MYBPC3: variants seen among roughly 807,000 people sequenced by gnomAD.
MYBPC3 encodes the protein myosin-binding protein C, cardiac-type.
Under a neutral mutation model 159.3 loss-of-function variants are expected in MYBPC3, and 108 were observed. That is an observed-to-expected ratio of 0.68 (90% CI 0.58 to 0.80). MYBPC3 has a LOEUF of 0.80. Among genes scored for constraint, MYBPC3 ranks in the 30% least tolerant of loss-of-function variants. The pLI is 0.00. For synonymous variants in MYBPC3, 730 were observed against 702.0 expected, an observed-to-expected ratio of 1.04 and a Z score of -0.63; for missense variants, 1,631 against 1,762.1, an observed-to-expected ratio of 0.93 and a Z score of 1.33.
At chr11:47,334,539 C>T (rs1198877192) in intron 27 of MYBPC3, among the ~76,000 whole-genome samples, 1 of 152,002 alleles carries the variant, frequency 6.6e-6, no homozygotes. Context: ...AAGGGACTGA[C>T]ATACACCAAG....
chr11:47,351,556 C>T lies in MYBPC3; in HGVS notation c.26-51G>A, dbSNP rs1006769965. On this transcript the variant is annotated intron_variant, in intron 1 of 34. Transcript: ENST00000545968. The surrounding 1 kb of genome is among the most constrained non-coding windows in gnomAD (Gnocchi z 4.2). ...CGGCCCCTGGTTGGAGCGTGCACCCCGCCCCTGCAGCCCCTCTCAGTAAAT... is the reference window on the plus strand; with the variant it reads ...CGGCCCCTGGTTGGAGCGTGCACCCTGCCCCTGCAGCCCCTCTCAGTAAAT... 26 of 1,511,830 alleles carry T rather than the reference C, an allele frequency of 1.7e-5. 1 individual carries two copies. The highest frequency in any genetic ancestry group is 6.5e-5 in the South Asian group (5 of 76,934). 93.7% of individuals were successfully genotyped at this position (1,511,830 alleles called of 1,614,324 possible).
In MYBPC3 at chr11:47,337,372, C is replaced by A. The variant is rs1034751734; in HGVS notation, c.2602+19G>T. 4 of 1,559,284 alleles carry A rather than the reference C, an allele frequency of 2.6e-6. No individual in the cohort carries two copies. Among genetic ancestry groups the A allele is most frequent in the Non-Finnish European group, 3.5e-6 (4 of 1,152,332 alleles). On this transcript the variant is annotated intron_variant, in intron 25 of 34. Transcript: ENST00000545968. Reference sequence around the variant, plus strand: ...ACTGGGGAGGGGGCGGGGGGCAGGACCAGGCCAGGCAGGCTCACCGATAGG... The same window carrying A: ...ACTGGGGAGGGGGCGGGGGGCAGGAACAGGCCAGGCAGGCTCACCGATAGG...
intron 33 of MYBPC3, 79 bp downstream of exon 33, chr11:47,331,993 G>C: frequency 6.3e-7 from 1 of 1,594,446 alleles, no homozygotes; most frequent in Non-Finnish European, 8.5e-7. Flanking sequence ...CTTGGCCGAG[G>C]ACAACGGAGC....
rs752327972 is a variant in MYBPC3, at chr11:47,331,708, C to G, written c.*35G>C. The G allele has an allele frequency of 2.2e-6, 2 of 928,206 alleles. No individual in the cohort carries two copies. Among genetic ancestry groups the G allele is most frequent in the Non-Finnish European group, 3.1e-6 (2 of 636,112 alleles). 57.5% of individuals were successfully genotyped at this position (928,206 alleles called of 1,614,324 possible). ...AGGCTCCTGGCACGGGGCTGGCATC[C>G]GGTTGTACCTGCAACACAGGTTATC... On this transcript the variant is annotated 3_prime_UTR_variant, in exon 35 of 35. Coordinates refer to ENST00000545968, the MANE Select transcript of MYBPC3 (RefSeq NM_000256.3).
At chr11:47,347,737 G>A in intron 7 of MYBPC3, 57 bp from the exon 8 acceptor site, 1 of 1,551,190 alleles carries the variant, frequency 6.4e-7, no homozygotes, top group South Asian at 1.2e-5. Flanking sequence ...CTCCCCTGCA[G>A]CCCCCACTGA....
chr11:47,348,853 C>T (rs1156292388), intron 5 of MYBPC3, among the ~76,000 whole-genome samples: 15 of 134,394 alleles, frequency 1.1e-4, no homozygotes, highest in Admixed American at 7.3e-4. Flanking sequence ...TGCAGTGAGC[C>T]GAGATTGAGC....
chr11:47,337,469 ACAC>A lies in MYBPC3; in HGVS notation c.2521_2523del (p.Val841del). On this transcript the variant is annotated inframe_deletion, in exon 25 of 35. Transcript: ENST00000545968. ...TTGACCGCGTAGACGCGCATCTCGTACACCACGCCCTCGATCATGCGCCGCGCT... is the reference window on the plus strand; with the variant it reads ...TTGACCGCGTAGACGCGCATCTCGTACACGCCCTCGATCATGCGCCGCGCT... 6.2e-7 allele frequency: 1 copy of A among 1,613,870 alleles called. No homozygotes were observed. The highest frequency in any genetic ancestry group is 1.1e-5 in the South Asian group (1 of 91,088).
Position 47,342,948 on chromosome 11 carries a change from G to T in MYBPC3, c.1352-13C>A. 1 of 1,611,276 alleles carries T rather than the reference G, an allele frequency of 6.2e-7. No homozygotes were observed. The highest frequency in any genetic ancestry group is 8.5e-7 in the Non-Finnish European group (1 of 1,178,772). ...AGCACAGGGGGCTCTGTCCAGGCAG[G>T]GTGAGCATGAGGGTTGGCTCCCCTG... On this transcript the variant is annotated splice_polypyrimidine_tract_variant and intron_variant, in intron 15 of 34. Coordinates refer to ENST00000545968, the MANE Select transcript of MYBPC3 (RefSeq NM_000256.3).
chr11:47,348,572 G>T, intron 5 of MYBPC3, 31 bp from the exon 6 acceptor site: 2 of 1,553,594 alleles, frequency 1.3e-6, no homozygotes, highest in Non-Finnish European at 1.8e-6. Flanking sequence ...GGCGTCAGGG[G>T]ACACCAGGGG....
chr11:47,350,649 C>G, intron 2 of MYBPC3, 34 bp from the exon 3 acceptor site: 1 of 1,441,962 alleles, frequency 6.9e-7, no homozygotes, highest in Non-Finnish European at 9.1e-7. Context: ...GTGGTGCAGC[C>G]ACTAACCAGA....
rs781360798 is a variant in MYBPC3 at position 47,349,932 on chromosome 11, C to A, written c.506-10G>T. 9.1e-6 allele frequency: 14 copies of A among 1,531,086 alleles called. No individual in the cohort carries two copies. In the Admixed American group the frequency reaches 1.4e-4, roughly 15 times the overall value. The allele number at this position is 1,531,086 out of a possible 1,614,324, so 94.8% of individuals were successfully genotyped here. On this transcript the variant is annotated splice_polypyrimidine_tract_variant and intron_variant, in intron 4 of 34. Transcript: ENST00000545968. Reference sequence around the variant, plus strand: ...AAGGTGATGCTGCCACCTGCAAAGGCAGGGGCGACAGGCCCGGCTTGGGGA... The same window carrying A: ...AAGGTGATGCTGCCACCTGCAAAGGAAGGGGCGACAGGCCCGGCTTGGGGA...
At chr11:47,336,750 G>A (rs1435679777) in intron 25 of MYBPC3, among the ~76,000 whole-genome samples, 1 of 152,136 alleles carries the variant, frequency 6.6e-6, no homozygotes, top group Non-Finnish European at 1.5e-5. Context: ...AGTGGGAACA[G>A]GTGTCCTCCT....
intron 27 of MYBPC3, among the ~76,000 whole-genome samples, chr11:47,334,328 C>T (rs908064767): frequency 5.3e-5 from 8 of 152,226 alleles, no homozygotes; most frequent in African/African-American, 1.9e-4. Context: ...TTGTTACCAC[C>T]TGAGTTTGCT....
rs2095874956 is a variant in MYBPC3, at chr11:47,331,629, A to G, written c.*114T>C. 7.1e-6 allele frequency: 4 copies of G among 563,046 alleles called. No homozygotes were observed. Among genetic ancestry groups the G allele is most frequent in the Non-Finnish European group, 1.3e-5 (4 of 316,684 alleles). The allele number at this position is 563,046 out of a possible 1,614,324, so 34.9% of individuals were successfully genotyped here. On this transcript the variant is annotated 3_prime_UTR_variant, in exon 35 of 35. Transcript: ENST00000545968. ...GATCCCCCATCGCAGCACAGGAGAC[A>G]CACTTGTCACACATACATCCAACAG... is the stretch of plus-strand genomic sequence containing the variant.
rs397514752 is a variant in MYBPC3, at chr11:47,342,733, C to T, written c.1469G>A (p.Gly490Glu). 2.5e-6 allele frequency: 4 copies of T among 1,613,858 alleles called. No individual in the cohort carries two copies. In the Admixed American group the frequency reaches 5.0e-5, roughly 20 times the overall value. Residue 490 changes from glycine to glutamate, a missense_variant, in exon 17 of 35, where the codon GGG (glycine) becomes GAG (glutamate). Transcript: ENST00000545968. ...GGTCTCCTCCCGGGTCAGCTCCACC[C>T]CGTCCTTCAGCCTAGCCGGGTGGGT... ...EGAQVKWLKD[G>E]VELTREETFK...
chr11:47,346,427 G>A lies in MYBPC3; in HGVS notation c.927-57C>T, dbSNP rs1043159755. On this transcript the variant is annotated intron_variant, in intron 11 of 34. Coordinates refer to ENST00000545968, the MANE Select transcript of MYBPC3 (RefSeq NM_000256.3). The surrounding 1 kb of genome is among the most constrained non-coding windows in gnomAD (Gnocchi z 5.3). ...GCAAGACTGCAGCCCCCTGGGCGGG[G>A]CTTCCTGGGCCCAGGACCAAGGAGC... The A allele has an allele frequency of 4.0e-6, 6 of 1,491,852 alleles. No homozygotes were observed. The African/African-American group carries it at 8.4e-5, about 21-fold the overall frequency. The allele number at this position is 1,491,852 out of a possible 1,614,324, so 92.4% of individuals were successfully genotyped here. A position where few individuals can be genotyped will look rare whatever the true frequency, so the allele number is the denominator to read the frequency against.
Position 47,336,030 on chromosome 11 carries a change from A to G in MYBPC3, c.2603-19T>C. On this transcript the variant is annotated intron_variant, in intron 25 of 34. Transcript: ENST00000545968. Reference sequence around the variant, plus strand: ...GGGGGACCTGGGCAGAGGAGAGGTCAGAGAGGGGTCTGAGCAAGCCTGGGG... The same window carrying G: ...GGGGGACCTGGGCAGAGGAGAGGTCGGAGAGGGGTCTGAGCAAGCCTGGGG... 6.8e-7 allele frequency: 1 copy of G among 1,472,842 alleles called. No homozygotes were observed. The highest frequency in any genetic ancestry group is 2.5e-5 in the East Asian group (1 of 39,828). 91.2% of individuals were successfully genotyped at this position (1,472,842 alleles called of 1,614,324 possible).
Position 47,333,239 on chromosome 11 carries a change from C to G in MYBPC3, c.3285G>C (p.Thr1095=), listed in dbSNP as rs367927327. The change falls in exon 30 of 35, where the codon ACG becomes ACC. Residue 1095 remains threonine, a synonymous_variant. Transcript: ENST00000545968. ...TCTGCACTGTGTACCCCCAGAGCTC[C>G]GTGTTGCCGACATCCTGGGGTGGCT... The part of the protein sequence containing the change: ...EWKPPQDVGN[T]ELWGYTVQKA... 8 of 1,588,842 alleles carry G rather than the reference C, an allele frequency of 5.0e-6. No homozygotes were observed. In the Admixed American group the frequency reaches 1.4e-4, roughly 28 times the overall value.
At chr11:47,337,929 G>T in intron 23 of MYBPC3, 135 bp from the exon 24 acceptor site, 1 of 598,454 alleles carries the variant, frequency 1.7e-6, no homozygotes, top group South Asian at 2.2e-5. Flanking sequence ...GATCTTTCTA[G>T]AATGCATTTC....
Sources: gnomAD v4.1 joint callset for allele counts (sites outside exome capture counted in the v4.1 genomes callset) on GRCh38, gnomAD v4.1.1 for gene constraint, Gnocchi (gnomAD v3.1) non-coding constraint, MANE v1.5 for transcripts, NCBI Gene and HGNC (gene_info 2026-07-23, HGNC 2026-07-21) for gene names.